Variants in RAB7B observed in about 807,000 individuals in gnomAD.
RAB7B encodes ras-related protein Rab-7b.
chr1:205,978,555 T>G lies in RAB7B; in HGVS notation c.*296A>C. 13 of 262,880 alleles carry G rather than the reference T, an allele frequency of 4.9e-5. No homozygotes were observed. Among genetic ancestry groups the G allele is most frequent in the East Asian group, 1.3e-4 (2 of 15,320 alleles). 16.3% of individuals were successfully genotyped at this position (262,880 alleles called of 1,614,324 possible). On this transcript the variant is annotated 3_prime_UTR_variant, in exon 6 of 6. Transcript: ENST00000617070. The stretch of plus-strand genomic sequence containing the variant: ...GGAGCGGGAGTGTTTGAGGGGTGGA[T>G]GGGTGGGGAAAGCTGGAGCCACTGC...
At chr1:206,001,337 T>C (rs1159013215) in intron 1 of RAB7B, among the ~76,000 whole-genome samples, 1 of 152,188 alleles carries the variant, frequency 6.6e-6, no homozygotes, top group Non-Finnish European at 1.5e-5. Flanking sequence ...GAATTCAATT[T>C]TTAAAGAAGC....
chr1:206,001,001 T>TC (rs1273630119), intron 1 of RAB7B, among the ~76,000 whole-genome samples: 1 of 152,204 alleles, frequency 6.6e-6, no homozygotes, highest in Non-Finnish European at 1.5e-5. Flanking sequence ...CTGGTTCCTT[T>TC]CCCCTAGATG....
intron 4 of RAB7B, among the ~76,000 whole-genome samples, chr1:205,989,716 G>A (rs991590488): frequency 1.1e-4 from 17 of 151,926 alleles, no homozygotes; most frequent in Middle Eastern, 3.4e-3. Flanking sequence ...TCTTTCCTTC[G>A]TGGTTTCTTG....
intron 4 of RAB7B, among the ~76,000 whole-genome samples, chr1:205,990,241 G>A (rs1011985682): frequency 6.6e-6 from 1 of 152,180 alleles, no homozygotes; most frequent in Non-Finnish European, 1.5e-5. Flanking sequence ...GATTAGGAGG[G>A]ATTTCCTTGG....
intron 5 of RAB7B, among the ~76,000 whole-genome samples, chr1:205,979,728 T>A (rs1660452808): frequency 6.6e-6 from 1 of 152,144 alleles, no homozygotes; most frequent in Non-Finnish European, 1.5e-5. Context: ...ACTGTGGGCC[T>A]CGGGGTGAGT....
intron 5 of RAB7B, among the ~76,000 whole-genome samples, chr1:205,981,202 G>A (rs1289030064): frequency 2.0e-5 from 3 of 152,148 alleles, no homozygotes; most frequent in African/African-American, 7.2e-5. Context: ...TGCCCAGCCA[G>A]CATTGCTAAC....
At chr1:205,991,564 C>T (rs1435717814) in intron 4 of RAB7B, among the ~76,000 whole-genome samples, 4 of 152,224 alleles carry the variant, frequency 2.6e-5, no homozygotes, top group South Asian at 2.1e-4. Flanking sequence ...AGGCTCTCTT[C>T]TGTAGATGTT....
rs998388325 is a variant in RAB7B at position 206,002,733 on chromosome 1, G to C, written c.-17+520C>G. On this transcript the variant is annotated intron_variant, in intron 1 of 5. Coordinates refer to ENST00000617070, the MANE Select transcript of RAB7B (RefSeq NM_001164522.3). ...CAGATCCGTCCGACTCTATTCATTG[G>C]CTCCCCTGGCATTGCAGCACTGGGC... 6.8e-4 allele frequency among the ~76,000 whole-genome samples: 103 copies of C among 152,288 alleles called. 2 individuals carry two copies. In the South Asian group the frequency reaches 0.019, roughly 28 times the overall value.
intron 4 of RAB7B, among the ~76,000 whole-genome samples, chr1:205,992,132 A>G (rs1660731520): frequency 6.6e-6 from 1 of 152,106 alleles, no homozygotes; most frequent in African/African-American, 2.4e-5. Context: ...CTGTCTCTGG[A>G]CAAAATTACC....
rs1356669941 is a variant in RAB7B at position 205,988,254 on chromosome 1, T to A, written c.397-2589A>T. Among the ~76,000 whole-genome samples the A allele has an allele frequency of 2.2e-4, 30 of 139,420 alleles. 2 individuals carry two copies. The highest frequency in any genetic ancestry group is 1.6e-3 in the Admixed American group (22 of 13,636). 91.5% of individuals were successfully genotyped at this position (139,420 alleles called of 152,430 possible). A position where few individuals can be genotyped will look rare whatever the true frequency, so the allele number is the denominator to read the frequency against. ...GGTTTTTTTTTTTTTTTTCTTTTAG[T>A]GTCTTGCTCTGTCGCCCAGGCTGGA... On this transcript the variant is annotated intron_variant, in intron 4 of 5. Transcript: ENST00000617070.
chr1:205,992,367 G>C (rs1292151418), intron 4 of RAB7B, 113 bp downstream of exon 4: 1 of 397,454 alleles, frequency 2.5e-6, no homozygotes, highest in East Asian at 3.6e-5. Context: ...TGAAATTCCT[G>C]AAGTAAGGAC....
chr1:205,982,596 G>C (rs1243436743), intron 5 of RAB7B, among the ~76,000 whole-genome samples: 1 of 152,174 alleles, frequency 6.6e-6, no homozygotes, highest in Non-Finnish European at 1.5e-5. Context: ...GTACTTTAAA[G>C]TTAGGGAAGT....
intron 5 of RAB7B, among the ~76,000 whole-genome samples, chr1:205,982,216 C>T (rs1362170152): frequency 1.3e-5 from 2 of 152,178 alleles, no homozygotes; most frequent in African/African-American, 2.4e-5. Flanking sequence ...CTTTGTTCCC[C>T]GTATTGCTTG....
chr1:205,996,571 G>A (rs1660816154), intron 1 of RAB7B, among the ~76,000 whole-genome samples: 1 of 152,168 alleles, frequency 6.6e-6, no homozygotes, highest in Non-Finnish European at 1.5e-5. Context: ...GACCTCATTG[G>A]CCATGAGAGC....
chr1:205,979,503 C>T (rs1660447872), intron 5 of RAB7B, among the ~76,000 whole-genome samples: 2 of 152,180 alleles, frequency 1.3e-5, no homozygotes, highest in Non-Finnish European at 2.9e-5. Context: ...GTCTGCCAAG[C>T]TTCTGCCTTT....
intron 1 of RAB7B, among the ~76,000 whole-genome samples, chr1:205,997,029 T>C (rs1336656599): frequency 2.0e-5 from 3 of 152,156 alleles, no homozygotes; most frequent in African/African-American, 7.2e-5. Flanking sequence ...AGCCAAACCA[T>C]ATCATAGACC....
At chr1:206,003,032 G>T (rs1267133618) in intron 1 of RAB7B, among the ~76,000 whole-genome samples, 4 of 152,174 alleles carry the variant, frequency 2.6e-5, no homozygotes, top group Non-Finnish European at 5.9e-5. Flanking sequence ...CTCCGAGCTG[G>T]GCCTCAGCTC....
At chr1:205,990,636 G>T (rs1660705366) in intron 4 of RAB7B, among the ~76,000 whole-genome samples, 1 of 152,100 alleles carries the variant, frequency 6.6e-6, no homozygotes, top group Non-Finnish European at 1.5e-5. Flanking sequence ...TGAAAGCCAG[G>T]GGTTGAGGAG....
chr1:206,002,108 A>G (rs1373801344), intron 1 of RAB7B, among the ~76,000 whole-genome samples: 2 of 151,524 alleles, frequency 1.3e-5, no homozygotes, highest in African/African-American at 2.5e-5. Flanking sequence ...AAGGACAAAT[A>G]TATCCACCCT....
Sources: gnomAD v4.1 joint callset for allele counts (sites outside exome capture counted in the v4.1 genomes callset) on GRCh38, gnomAD v4.1.1 for gene constraint, MANE v1.5 for transcripts, NCBI Gene and HGNC (gene_info 2026-07-23, HGNC 2026-07-21) for gene names.